Variants in SNX25 observed in about 807,000 individuals in gnomAD.
SNX25 encodes sorting nexin 25, also known as sorting nexin-25.
SNX25 carries 62 observed loss-of-function variants against 113.7 expected under a neutral mutation model. The ratio of observed to expected loss-of-function variants is 0.55; its 90% confidence interval spans 0.44 to 0.67. SNX25 has a LOEUF of 0.67. SNX25 is among the 30% of genes least tolerant of loss of function. SNX25 has a pLI of 0.00. For missense variants in SNX25, 1,014 were observed against 1,161.0 expected (o/e 0.87, Z 1.84); for synonymous variants, 421 against 436.2 (o/e 0.97, Z 0.43).
At chr4:185,325,532 CAAA>C (rs34665853) in intron 9 of SNX25, among the ~76,000 whole-genome samples, 1 of 111,620 alleles carries the variant, frequency 9.0e-6, no homozygotes. Flanking sequence ...GACTCCGTCT[CAAA>C]AAAAAAAAAA....
intron 1 of SNX25, among the ~76,000 whole-genome samples, chr4:185,219,866 C>T (rs561819422): frequency 6.6e-6 from 1 of 151,962 alleles, no homozygotes; most frequent in Non-Finnish European, 1.5e-5. Context: ...CTTAACTGTT[C>T]CAGATATTTC....
At chr4:185,264,973 CGT>C (rs574928316) in intron 4 of SNX25, among the ~76,000 whole-genome samples, 5 of 148,932 alleles carry the variant, frequency 3.4e-5, no homozygotes, top group African/African-American at 4.9e-5. Context: ...TTATATATTA[CGT>C]GTGTGTGTGT....
intron 10 of SNX25, among the ~76,000 whole-genome samples, chr4:185,335,332 A>T (rs1579832280): frequency 6.7e-6 from 1 of 149,076 alleles, no homozygotes; most frequent in South Asian, 2.1e-4. Flanking sequence ...ACACACACAC[A>T]CACACACACA....
upstream of SNX25, among the ~76,000 whole-genome samples, chr4:185,207,059 T>C (rs1461139382): frequency 6.6e-6 from 1 of 152,154 alleles, no homozygotes; most frequent in Non-Finnish European, 1.5e-5. Context: ...CACAGCTGAT[T>C]GGACGGTTGC....
At chr4:185,207,753 C>G (rs1737250507), upstream of SNX25, 1 of 152,068 alleles carries the variant, frequency 6.6e-6, no homozygotes, top group Admixed American at 6.6e-5. Context: ...CTTCAGTTCC[C>G]CGCTGTGTAG....
downstream of SNX25, chr4:185,370,567 A>G: frequency 6.7e-7 from 1 of 1,495,642 alleles, no homozygotes; most frequent in Non-Finnish European, 9.2e-7. Context: ...CTAATCCGTA[A>G]AACTATTCAA....
intron 1 of SNX25, among the ~76,000 whole-genome samples, chr4:185,217,148 T>C (rs534701136): frequency 6.6e-6 from 1 of 151,876 alleles, no homozygotes; most frequent in African/African-American, 2.4e-5. Context: ...GGAGAAATAC[T>C]GGCCGAGTGC....
At chr4:185,295,351 A>G (rs1487263523) in intron 6 of SNX25, among the ~76,000 whole-genome samples, 2 of 152,160 alleles carry the variant, frequency 1.3e-5, no homozygotes, top group African/African-American at 4.8e-5. Context: ...AACGTTTAGT[A>G]TTCAACCTAG....
At chr4:185,229,914 G>T (rs113138900) in intron 1 of SNX25, among the ~76,000 whole-genome samples, 1 of 152,050 alleles carries the variant, frequency 6.6e-6, no homozygotes, top group Non-Finnish European at 1.5e-5. Flanking sequence ...CTGCAGCCTC[G>T]ACTACCTGGG....
At chr4:185,237,234 C>A (rs1005790263) in intron 1 of SNX25, among the ~76,000 whole-genome samples, 3 of 152,052 alleles carry the variant, frequency 2.0e-5, no homozygotes, top group Admixed American at 6.5e-5. Context: ...TAACAATTTT[C>A]TGTTTTTTTT....
chr4:185,351,375 C>T, intron 13 of SNX25, 70 bp from the exon 14 acceptor site: 1 of 1,529,182 alleles, frequency 6.5e-7, no homozygotes, highest in Non-Finnish European at 8.9e-7. Context: ...CCTCGCTCAC[C>T]TTTACTTGTA....
At chr4:185,362,314 C>CTT (rs2126762132) in intron 17 of SNX25, 1 of 985,164 alleles carries the variant, frequency 1.0e-6, no homozygotes, top group South Asian at 4.7e-5. Context: ...AGATAATAAA[C>CTT]TTTGTGTTTT....
chr4:185,319,129 T>A (rs1356645945), intron 7 of SNX25, among the ~76,000 whole-genome samples: 4 of 148,466 alleles, frequency 2.7e-5, no homozygotes, highest in Non-Finnish European at 4.5e-5. Context: ...ACATATCATA[T>A]TTATTCATAC....
rs935021932 is a variant in SNX25, at chr4:185,209,774, C to CG, written c.-48dup. On this transcript the variant is annotated 5_prime_UTR_variant, in exon 1 of 19. It removes the in-frame stop codon of an upstream open reading frame in the 5' UTR. Coordinates refer to ENST00000652585, the MANE Select transcript of SNX25 (RefSeq NM_001378034.2). The surrounding 1 kb of genome is among the most constrained non-coding windows in gnomAD (Gnocchi z 5.2). The stretch of plus-strand genomic sequence containing the variant: ...GCTCCCCCTGCCTCCGGAGCGCCGG[C>CG]GGGGGACCGGGGGGCAGGAGATGTG... 2.0e-6 allele frequency: 2 copies of CG among 983,834 alleles called. No homozygotes were observed. The highest frequency in any genetic ancestry group is 3.5e-5 in the African/African-American group (2 of 57,066). The allele number at this position is 983,834 out of a possible 1,614,324, so 60.9% of individuals were successfully genotyped here.
chr4:185,282,907 C>T (rs1415768645), intron 5 of SNX25, among the ~76,000 whole-genome samples: 1 of 152,186 alleles, frequency 6.6e-6, no homozygotes, highest in African/African-American at 2.4e-5. Flanking sequence ...TGCCAGGTAA[C>T]TCTGGAAGCC....
chr4:185,321,834 T>A (rs559389874), intron 8 of SNX25, among the ~76,000 whole-genome samples: 3 of 152,344 alleles, frequency 2.0e-5, no homozygotes, highest in Admixed American at 2.0e-4. Context: ...CTTGTCATTA[T>A]TTCCTAAAAA....
At chr4:185,229,790 C>T (rs555375144) in intron 1 of SNX25, among the ~76,000 whole-genome samples, 33 of 152,204 alleles carry the variant, frequency 2.2e-4, no homozygotes, top group African/African-American at 7.7e-4. Context: ...TAGTGTAGAC[C>T]ATTCCAGGAA....
In SNX25 at chr4:185,341,105, A is replaced by C. The variant is rs183841338; in HGVS notation, c.2047-871A>C. Among the ~76,000 whole-genome samples, 60 of 152,226 alleles carry C rather than the reference A, an allele frequency of 3.9e-4. 1 individual carries two copies. The East Asian group carries it at 8.7e-3, about 22-fold the overall frequency. On this transcript the variant is annotated intron_variant, in intron 11 of 18. Coordinates refer to ENST00000652585, the MANE Select transcript of SNX25 (RefSeq NM_001378034.2). Reference sequence around the variant, plus strand: ...CTTATTGACTCCTTCTCTCTCATTCAATTTATGATGCTAATTCAAGCTCAA... The same window carrying C: ...CTTATTGACTCCTTCTCTCTCATTCCATTTATGATGCTAATTCAAGCTCAA...
chr4:185,378,533 C>T, the SNX25 span: 4 of 1,044,006 alleles, frequency 3.8e-6, no homozygotes, highest in Non-Finnish European at 4.6e-6. Context: ...TTAGTGGGAC[C>T]TGGTGACACT....
Sources: gnomAD v4.1 joint callset for allele counts (sites outside exome capture counted in the v4.1 genomes callset) on GRCh38, gnomAD v4.1.1 for gene constraint, Gnocchi (gnomAD v3.1) non-coding constraint, MANE v1.5 for transcripts, NCBI Gene and HGNC (gene_info 2026-07-23, HGNC 2026-07-21) for gene names.